The following NMBR variants were observed in gnomAD, a reference collection of about 807,000 sequenced individuals.
The protein encoded by NMBR is neuromedin-B receptor.
A neutral mutation model predicts 20.5 loss-of-function variants in NMBR; 16 were observed. The ratio of observed to expected loss-of-function variants is 0.78; its 90% CI spans 0.53 to 1.19. NMBR has a LOEUF of 1.19. Ranked by LOEUF, NMBR falls within the 50% of genes most tolerant of loss-of-function variation. The pLI is 0.00. For synonymous variants in NMBR, 212 were observed against 196.6 expected (o/e 1.08, Z -0.65); for missense variants, 582 against 499.1 (o/e 1.17, Z -1.58).
At chr6:142,077,442 A>G (rs574643239) in intron 3 of NMBR, among the ~76,000 whole-genome samples, 4 of 151,122 alleles carry the variant, frequency 2.6e-5, no homozygotes, top group African/African-American at 9.7e-5. Context: ...AAGTAAAAGA[A>G]CTAATTATAT....
chr6:142,076,421 C>T (rs1242358758), intron 3 of NMBR, among the ~76,000 whole-genome samples: 1 of 152,020 alleles, frequency 6.6e-6, no homozygotes, highest in Non-Finnish European at 1.5e-5. Context: ...TATATTCAAG[C>T]TTAGGTGTTT....
Position 142,078,614 on chromosome 6 carries a change from T to C in NMBR, c.712A>G (p.Thr238Ala). Residue 238 changes from threonine to alanine, a missense_variant, in exon 3 of 4, where the codon ACC becomes GCC. Coordinates refer to ENST00000258042, the MANE Select transcript of NMBR (RefSeq NM_002511.4). The part of the protein sequence containing the change: ...ISIYYYHIAK[T>A]LIKSAHNLPG... ...AGATTGTGTGCGCTTTTAATTAAGG[T>C]CTTTGCAATATGATAATAATAAATG... 6.2e-7 allele frequency: 1 copy of C among 1,612,934 alleles called. No homozygotes were observed. Among genetic ancestry groups the C allele is most frequent in the African/African-American group, 1.3e-5 (1 of 75,000 alleles).
chr6:142,133,699 AATTAT>A, intron 1 of NMBR: 2 of 462,434 alleles, frequency 4.3e-6, no homozygotes, highest in Non-Finnish European at 7.6e-6. Context: ...ATAATGCAGG[AATTAT>A]ATTTGATTTG....
rs904660675 is a variant in NMBR at position 142,097,164 on chromosome 6, C to T, written c.-663-7843G>A. On this transcript the variant is annotated intron_variant, in intron 1 of 3. Transcript: ENST00000258042. ...GTGTCTTTTAATTGGAGCATTTAGC[C>T]CATTTACATTTAAAGTTAATATTGT... is the stretch of plus-strand genomic sequence containing the variant. 3.3e-5 allele frequency among the ~76,000 whole-genome samples: 5 copies of T among 152,054 alleles called. No individual in the cohort carries two copies. In the East Asian group the frequency reaches 9.7e-4, roughly 30 times the overall value.
At position 142,109,727 on chromosome 6, in the gene NMBR, A is replaced by G. The variant is rs112155699; in HGVS notation, c.-663-20406T>C. Among the ~76,000 whole-genome samples, 1,065 of 152,224 alleles carry G rather than the reference A, an allele frequency of 7.0e-3. 16 individuals carry two copies. Among genetic ancestry groups the G allele is most frequent in the African/African-American group, 0.024 (1,015 of 41,542 alleles). The stretch of plus-strand genomic sequence containing the variant: ...TTTGTTACTCTTTTAAAATTCATAC[A>G]TTGAAAACTAATTCCTAGGGGTATT... On this transcript the variant is annotated intron_variant, in intron 1 of 3. Transcript: ENST00000258042.
intron 1 of NMBR, among the ~76,000 whole-genome samples, chr6:142,117,751 C>T (rs947956470): frequency 2.0e-5 from 3 of 151,784 alleles, no homozygotes; most frequent in East Asian, 1.9e-4. Context: ...ATGAAAAAAT[C>T]GTACAAAATA....
chr6:142,140,647 T>G (rs1778348346), intron 1 of NMBR, among the ~76,000 whole-genome samples: 1 of 152,110 alleles, frequency 6.6e-6, no homozygotes, highest in South Asian at 2.1e-4. Context: ...CCAGACCAAA[T>G]TATTAACAAG....
intron 1 of NMBR, among the ~76,000 whole-genome samples, chr6:142,094,089 A>G (rs569427668): frequency 6.6e-6 from 1 of 151,986 alleles, no homozygotes. Context: ...ATTTTATCCC[A>G]TTCTGTAGGT....
intron 1 of NMBR, among the ~76,000 whole-genome samples, chr6:142,103,785 T>C (rs1459471657): frequency 6.6e-6 from 1 of 152,204 alleles, no homozygotes; most frequent in African/African-American, 2.4e-5. Flanking sequence ...TCTCACAAAG[T>C]ATTTTCTTGG....
At chr6:142,104,282 T>C (rs1489111712) in intron 1 of NMBR, among the ~76,000 whole-genome samples, 1 of 152,220 alleles carries the variant, frequency 6.6e-6, no homozygotes, top group African/African-American at 2.4e-5. Context: ...GCTAAACATA[T>C]TAGAATTTTA....
intron 1 of NMBR, among the ~76,000 whole-genome samples, chr6:142,109,764 TG>T: frequency 6.6e-6 from 1 of 152,024 alleles, no homozygotes. Flanking sequence ...TATTAAGAGG[TG>T]GGGCCTTTGA....
At chr6:142,079,462 T>C (rs570556525) in intron 2 of NMBR, among the ~76,000 whole-genome samples, 1 of 152,276 alleles carries the variant, frequency 6.6e-6, no homozygotes, top group South Asian at 2.1e-4. Flanking sequence ...TCCTGGACAT[T>C]AGTTTACCTC....
chr6:142,082,231 G>A (rs978704834), intron 2 of NMBR, among the ~76,000 whole-genome samples: 3 of 151,988 alleles, frequency 2.0e-5, no homozygotes, highest in East Asian at 3.9e-4. Context: ...AGTGTGAACC[G>A]CATGATAAGA....
chr6:142,098,345 G>T (rs971997476), intron 1 of NMBR, among the ~76,000 whole-genome samples: 1 of 151,986 alleles, frequency 6.6e-6, no homozygotes, highest in Non-Finnish European at 1.5e-5. Flanking sequence ...AATAAGACAA[G>T]AAAAAGACAT....
chr6:142,109,965 G>A lies in NMBR; in HGVS notation c.-663-20644C>T, dbSNP rs139575171. Among the ~76,000 whole-genome samples the A allele has an allele frequency of 1.9e-3, 286 of 152,130 alleles. 3 individuals are homozygous for A. Among genetic ancestry groups the A allele is most frequent in the African/African-American group, 6.0e-3 (249 of 41,522 alleles). On this transcript the variant is annotated intron_variant, in intron 1 of 3. Transcript: ENST00000258042. ...TGGACTTCCCAGACTTCAGAACTGC[G>A]AAAAATAAATTGCTCTTGTTTATAA...
At chr6:142,106,313 T>C (rs1264657810) in intron 1 of NMBR, among the ~76,000 whole-genome samples, 1 of 152,172 alleles carries the variant, frequency 6.6e-6, no homozygotes, top group Non-Finnish European at 1.5e-5. Flanking sequence ...CAGTTGCTAG[T>C]CTGGGTACTG....
rs571474398 is a variant in NMBR, at chr6:142,138,261, C to G, written c.-664+8783G>C. On this transcript the variant is annotated intron_variant, in intron 1 of 3. Transcript: ENST00000258042. ...TCAAATACTAAGGTTTTCCATTTTT[C>G]CTCAAGCTTTATGCAGCCTGTGTTT... Among the ~76,000 whole-genome samples the G allele has an allele frequency of 2.4e-4, 37 of 152,188 alleles. 1 individual carries two copies. In the South Asian group the frequency reaches 7.7e-3, roughly 32 times the overall value.
Position 142,114,581 on chromosome 6 carries a change from G to T in NMBR, c.-663-25260C>A, listed in dbSNP as rs138385647. Among the ~76,000 whole-genome samples the T allele has an allele frequency of 4.8e-3, 731 of 152,146 alleles. 5 individuals are homozygous for T. The highest frequency in any genetic ancestry group is 0.017 in the African/African-American group (700 of 41,510). ...AGAGGAAAATAACATCAGGGTTCAA[G>T]AAATGTGGTACCATTAACATTTACA... is the stretch of plus-strand genomic sequence containing the variant. On this transcript the variant is annotated intron_variant, in intron 1 of 3. Coordinates refer to ENST00000258042, the MANE Select transcript of NMBR (RefSeq NM_002511.4).
At chr6:142,144,037 T>C (rs1207369384) in intron 1 of NMBR, among the ~76,000 whole-genome samples, 2 of 152,256 alleles carry the variant, frequency 1.3e-5, no homozygotes, top group African/African-American at 2.4e-5. Flanking sequence ...AACAATTAAA[T>C]ATCCGTGTTT....
Sources: gnomAD v4.1 joint callset for allele counts (sites outside exome capture counted in the v4.1 genomes callset) on GRCh38, gnomAD v4.1.1 for gene constraint, MANE v1.5 for transcripts, NCBI Gene and HGNC (gene_info 2026-07-23, HGNC 2026-07-21) for gene names.